CAND2: variants seen among roughly 807,000 people sequenced by gnomAD.
CAND2 encodes cullin associated and neddylation dissociated 2 (putative), also known as cullin-associated NEDD8-dissociated protein 2.
A neutral mutation model predicts 98.9 loss-of-function variants in CAND2; 62 were observed. The ratio of observed to expected loss-of-function variants is 0.63; its 90% CI spans 0.51 to 0.77. The LOEUF (loss-of-function observed/expected upper bound fraction) is 0.77. CAND2 is among the 30% of genes least tolerant of loss of function. CAND2 has a pLI of 0.00. For missense variants in CAND2, 1,501 were observed against 1,655.2 expected, an observed-to-expected ratio of 0.91 and a Z score of 1.62; for synonymous variants, 770 against 731.9, an observed-to-expected ratio of 1.05 and a Z score of -0.84.
At chr3:12,823,826 G>T (rs2061978968) in intron 11 of CAND2, among the ~76,000 whole-genome samples, 1 of 152,212 alleles carries the variant, frequency 6.6e-6, no homozygotes, top group Non-Finnish European at 1.5e-5. Context: ...GAACCCGGGA[G>T]ATGAAGGTTG....
chr3:12,816,597 G>A lies in CAND2; in HGVS notation c.1665G>A (p.Leu555=), dbSNP rs1188305720. The A allele has an allele frequency of 1.2e-6, 2 of 1,613,896 alleles. No homozygotes were observed. The highest frequency in any genetic ancestry group is 2.2e-5 in the South Asian group (2 of 91,080). The change falls in exon 10 of 15, where the codon CTG becomes CTA. Residue 555 remains leucine (L), a synonymous_variant. Transcript: ENST00000456430. ...LQELVRALWP[L]HRPRMLDPEP... ...AGCTGGTGCGGGCCCTGTGGCCGCT[G>A]CACAGGCCTCGGATGCTGGATCCTG...
chr3:12,810,312 G>T lies in CAND2; in HGVS notation c.745G>T (p.Gly249Cys). ...TTTGGGCAGCGTCGGCCGCCAGGCC[G>T]GCCACCGCCTCGGTAAGGGGGCAGG... ...QCLGSVGRQA[G>C]HRLGAHLDRL... The change falls in exon 5 of 15, where the codon GGC (glycine) becomes TGC (cysteine). Residue 249 changes from glycine (G) to cysteine (C), a missense_variant. Around this residue, in one of 3 missense-constraint regions of CAND2, gnomAD observed 1,427 missense variants for 1,545.3 expected, o/e 0.92. Transcript: ENST00000456430. The T allele has an allele frequency of 1.4e-6, 2 of 1,458,456 alleles. No homozygotes were observed. The highest frequency in any genetic ancestry group is 1.5e-5 in the African/African-American group (1 of 68,166). The allele number at this position is 1,458,456 out of a possible 1,614,324, so 90.3% of individuals were successfully genotyped here. A position where few individuals can be genotyped will look rare whatever the true frequency, so the allele number is the denominator to read the frequency against.
intron 13 of CAND2, 52 bp downstream of exon 13, chr3:12,827,656 C>T (rs759478557): frequency 1.1e-5 from 17 of 1,516,490 alleles, no homozygotes; most frequent in Admixed American, 3.8e-5. Flanking sequence ...AAGGGATAGT[C>T]GGGCACCATT....
rs1162957094 is a variant in CAND2 at position 12,803,503 on chromosome 3, C to T, written c.84C>T (p.Ser28=). Residue 28 remains serine, a synonymous_variant, in exon 2 of 15, where the codon AGC becomes AGT. Coordinates refer to ENST00000456430, the MANE Select transcript of CAND2 (RefSeq NM_001162499.2). Reference sequence around the variant, plus strand: ...CCCTGTGCAGGTTCATGGCCACCAGCGACCTGATGTCGGAGTTGCAGAAGG... The same window carrying T: ...CCCTGTGCAGGTTCATGGCCACCAGTGACCTGATGTCGGAGTTGCAGAAGG... ...SDKDFRFMAT[S]DLMSELQKDS... The T allele has an allele frequency of 3.1e-6, 5 of 1,610,384 alleles. No individual in the cohort carries two copies. The highest frequency in any genetic ancestry group is 3.4e-6 in the Non-Finnish European group (4 of 1,178,030).
intron 1 of CAND2, among the ~76,000 whole-genome samples, chr3:12,798,836 G>A (rs1017728923): frequency 4.6e-5 from 7 of 152,176 alleles, no homozygotes; most frequent in Non-Finnish European, 8.8e-5. Flanking sequence ...CTGTCCAGGC[G>A]TCCGTGTGGC....
chr3:12,833,703 G>C, intron 14 of CAND2, 52 bp from the exon 15 acceptor site: 1 of 1,417,458 alleles, frequency 7.1e-7, no homozygotes, highest in Admixed American at 1.7e-5. Flanking sequence ...GGAGGCAGTG[G>C]TGTGGGCCAG....
At chr3:12,807,110 G>A in intron 2 of CAND2, 196 bp from the exon 3 acceptor site, 1 of 494,734 alleles carries the variant, frequency 2.0e-6, no homozygotes, top group South Asian at 3.7e-5. Context: ...AAGAAGAAAT[G>A]TAGGTTTGGG....
In CAND2 at chr3:12,816,594, G is replaced by A. The variant is rs113368650; in HGVS notation, c.1662G>A (p.Pro554=). The A allele has an allele frequency of 2.5e-5, 40 of 1,613,844 alleles. No homozygotes were observed. The highest frequency in any genetic ancestry group is 3.3e-4 in the Middle Eastern group (2 of 6,062). Residue 554 remains proline, a synonymous_variant, in exon 10 of 15, where the codon CCG becomes CCA. Transcript: ENST00000456430. ...VLQELVRALW[P]LHRPRMLDPE... is the part of the protein sequence containing the mutation. ...AGGAGCTGGTGCGGGCCCTGTGGCC[G>A]CTGCACAGGCCTCGGATGCTGGATC...
intron 9 of CAND2, 152 bp from the exon 10 acceptor site, chr3:12,816,222 A>G: frequency 1.2e-6 from 1 of 850,582 alleles, no homozygotes; most frequent in South Asian, 1.7e-5. Context: ...AGCCCTGGCC[A>G]CTGGTCAGGG....
At chr3:12,810,556 A>G (rs2124845042) in intron 5 of CAND2, among the ~76,000 whole-genome samples, 1 of 152,224 alleles carries the variant, frequency 6.6e-6, no homozygotes. Context: ...AGGGCTTGAG[A>G]GGCGCAGGGC....
At chr3:12,798,721 T>C (rs1176131112) in intron 1 of CAND2, among the ~76,000 whole-genome samples, 1 of 152,232 alleles carries the variant, frequency 6.6e-6, no homozygotes, top group Admixed American at 6.5e-5. Context: ...CCTTTCAGCC[T>C]GTCTCTGCCA....
At position 12,813,782 on chromosome 3, in the gene CAND2, G is replaced by A. The variant is rs557801908; in HGVS notation, c.1006+394G>A. ...GTACCCTTTTATGAATGGCTTTCAG[G>A]AGATAATGTCTTTAACCCAGCAGAG... On this transcript the variant is annotated intron_variant, in intron 7 of 14. Coordinates refer to ENST00000456430, the MANE Select transcript of CAND2 (RefSeq NM_001162499.2). Among the ~76,000 whole-genome samples the A allele has an allele frequency of 2.0e-5, 3 of 152,312 alleles. No homozygotes were observed. The East Asian group carries it at 5.8e-4, about 29-fold the overall frequency.
intron 3 of CAND2, 85 bp downstream of exon 3, chr3:12,807,545 C>G: frequency 7.7e-7 from 1 of 1,291,898 alleles, no homozygotes; most frequent in Non-Finnish European, 1.1e-6. Flanking sequence ...AAAAAAAACA[C>G]TGAGGCTCAG....
At chr3:12,823,129 G>C (rs958309033) in intron 11 of CAND2, among the ~76,000 whole-genome samples, 2 of 152,178 alleles carry the variant, frequency 1.3e-5, no homozygotes, top group African/African-American at 2.4e-5. Flanking sequence ...AGTAGTCTGA[G>C]AATTGCTGAC....
intron 14 of CAND2, among the ~76,000 whole-genome samples, 163 bp downstream of exon 14, chr3:12,831,735 T>C (rs1217391664): frequency 1.3e-5 from 2 of 152,218 alleles, no homozygotes; most frequent in South Asian, 2.1e-4. Flanking sequence ...CTTATTATCA[T>C]TGTATACACA....
chr3:12,804,972 A>C (rs1263924748), intron 2 of CAND2, among the ~76,000 whole-genome samples: 2 of 152,256 alleles, frequency 1.3e-5, no homozygotes, highest in African/African-American at 2.4e-5. Flanking sequence ...CAGCAGAACC[A>C]ATACCTTTTT....
At chr3:12,814,424 C>A (rs183802509) in intron 7 of CAND2, among the ~76,000 whole-genome samples, 1 of 152,128 alleles carries the variant, frequency 6.6e-6, no homozygotes. Context: ...TTAGTCTTAT[C>A]GTCTGTAAAA....
chr3:12,829,649 G>C (rs973771043), intron 13 of CAND2, among the ~76,000 whole-genome samples: 1 of 152,214 alleles, frequency 6.6e-6, no homozygotes, highest in South Asian at 2.1e-4. Flanking sequence ...TTCTTGGGAT[G>C]ATGCACATAG....
At position 12,834,046 on chromosome 3, in the gene CAND2, C is replaced by A; in HGVS notation, c.*64C>A. 1 of 1,316,880 alleles carries A rather than the reference C, an allele frequency of 7.6e-7. No homozygotes were observed. Among genetic ancestry groups the A allele is most frequent in the Non-Finnish European group, 1.1e-6 (1 of 917,254 alleles). 81.6% of individuals were successfully genotyped at this position (1,316,880 alleles called of 1,614,324 possible). ...GGAGCCCACCCAAGTCCGAGGCCTC[C>A]CCATCCCACCATCGCAGGTCTCTAC... is the stretch of plus-strand genomic sequence containing the variant. On this transcript the variant is annotated 3_prime_UTR_variant, in exon 15 of 15. Transcript: ENST00000456430.
Sources: allele counts gnomAD v4.1 joint callset (sites outside exome capture counted in the v4.1 genomes callset), GRCh38; gene constraint gnomAD v4.1.1; regional missense constraint gnomAD v4.1.1; transcripts MANE v1.5; gene names NCBI Gene and HGNC (gene_info 2026-07-23, HGNC 2026-07-21).